Variants in ASTN1 observed in about 807,000 individuals in gnomAD.
The protein encoded by ASTN1 is astrotactin-1.
A neutral mutation model predicts 140.7 loss-of-function variants in ASTN1; 41 were observed. That is an observed-to-expected ratio of 0.29 (90% CI 0.23 to 0.38). ASTN1 has a LOEUF of 0.38. Among genes scored for constraint, ASTN1 ranks in the 10% least tolerant of loss-of-function variants. The pLI is 1.00. For synonymous variants in ASTN1, 640 were observed against 652.2 expected, an observed-to-expected ratio of 0.98 and a Z score of 0.29; for missense variants, 1,479 against 1,678.8, an observed-to-expected ratio of 0.88 and a Z score of 2.08.
At chr1:177,006,207 A>T (rs1674986165) in intron 8 of ASTN1, among the ~76,000 whole-genome samples, 1 of 152,230 alleles carries the variant, frequency 6.6e-6, no homozygotes, top group Non-Finnish European at 1.5e-5. Context: ...TATCACAAAC[A>T]TACTTTTAAT....
intron 14 of ASTN1, among the ~76,000 whole-genome samples, chr1:176,937,960 T>C (rs964158137): frequency 2.0e-5 from 3 of 152,168 alleles, no homozygotes; most frequent in Non-Finnish European, 4.4e-5. Flanking sequence ...TTGCCAAATT[T>C]TCATTTCTGT....
At position 176,867,899 on chromosome 1, in the gene ASTN1, T is replaced by C. The variant is rs73051851; in HGVS notation, c.3647+945A>G. 3.7e-3 allele frequency among the ~76,000 whole-genome samples: 563 copies of C among 152,034 alleles called. 1 individual carries two copies. Among genetic ancestry groups the C allele is most frequent in the African/African-American group, 0.013 (523 of 41,526 alleles). ...GAATTCTTTAAGGGACAGAGGATTC[T>C]ATAGTGTTGATTTTCTTCATTTCCT... On this transcript the variant is annotated intron_variant, in intron 22 of 22. Coordinates refer to ENST00000361833, the MANE Select transcript of ASTN1 (RefSeq NM_004319.3).
At position 177,109,528 on chromosome 1, in the gene ASTN1, G is replaced by T. The variant is rs1680713202; in HGVS notation, c.284-48263C>A. Among the ~76,000 whole-genome samples the T allele has an allele frequency of 2.6e-5, 4 of 152,162 alleles. No homozygotes were observed. The South Asian group carries it at 8.3e-4, about 32-fold the overall frequency. ...CGTATTGGATATAGGGATGTTCTAG[G>T]ATGGCATTTTAAAACTGTGGCCCTT... On this transcript the variant is annotated intron_variant, in intron 1 of 22. Coordinates refer to ENST00000361833, the MANE Select transcript of ASTN1 (RefSeq NM_004319.3).
At chr1:176,875,910 A>G (rs1668540290) in intron 21 of ASTN1, among the ~76,000 whole-genome samples, 1 of 152,192 alleles carries the variant, frequency 6.6e-6, no homozygotes. Flanking sequence ...TGATGTCAAG[A>G]CCAGCCCGGT....
chr1:176,892,639 G>A (rs1411837598), intron 17 of ASTN1, among the ~76,000 whole-genome samples: 1 of 152,200 alleles, frequency 6.6e-6, no homozygotes, highest in Non-Finnish European at 1.5e-5. Flanking sequence ...AGATTAGACT[G>A]AAATATAGCA....
At chr1:177,036,401 A>C (rs1676722131) in intron 2 of ASTN1, among the ~76,000 whole-genome samples, 2 of 152,098 alleles carry the variant, frequency 1.3e-5, no homozygotes, top group South Asian at 4.1e-4. Flanking sequence ...CAATAGGTAA[A>C]ACTCAGCACA....
At chr1:177,043,430 A>G (rs1157789374) in intron 2 of ASTN1, among the ~76,000 whole-genome samples, 1 of 152,254 alleles carries the variant, frequency 6.6e-6, no homozygotes. Context: ...CATGTTTTGC[A>G]TTAGAACCCA....
rs182090619 is a variant in ASTN1, at chr1:176,888,230, T to G, written c.2941-26A>C. The stretch of plus-strand genomic sequence containing the variant: ...CTGCATAAGAGAACAGGGAAAAGAT[T>G]GAGTGTTGAGAAGCCAGGGCTAGGC... On this transcript the variant is annotated intron_variant, in intron 17 of 22. Coordinates refer to ENST00000361833, the MANE Select transcript of ASTN1 (RefSeq NM_004319.3). 8.1e-6 allele frequency: 13 copies of G among 1,612,736 alleles called. No individual in the cohort carries two copies. The Admixed American group carries it at 1.0e-4, about 12-fold the overall frequency.
intron 8 of ASTN1, among the ~76,000 whole-genome samples, chr1:176,982,734 G>A (rs1015642713): frequency 2.0e-5 from 3 of 152,112 alleles, no homozygotes; most frequent in South Asian, 4.1e-4. Context: ...ATGTTTTAAC[G>A]TACCCAAAGA....
Position 176,965,303 on chromosome 1 carries a change from A to G in ASTN1, c.1524-66T>C, listed in dbSNP as rs913541705. 9.6e-5 allele frequency: 149 copies of G among 1,546,110 alleles called. 1 individual carries two copies. The South Asian group carries it at 1.6e-3, about 17-fold the overall frequency. ...AATACTCACTGAACACCCACTTCGT[A>G]TCAGGCACAGTGCTAGGTGGTAGAC... On this transcript the variant is annotated intron_variant, in intron 8 of 22. Transcript: ENST00000361833.
At chr1:177,154,072 G>C (rs917685735) in intron 1 of ASTN1, among the ~76,000 whole-genome samples, 2 of 152,054 alleles carry the variant, frequency 1.3e-5, no homozygotes, top group Non-Finnish European at 2.9e-5. Context: ...CAGCAATTCT[G>C]CTCCTGCTAT....
At chr1:176,887,980 G>T in intron 18 of ASTN1, 91 bp downstream of exon 18, 1 of 1,548,108 alleles carries the variant, frequency 6.5e-7, no homozygotes, top group South Asian at 1.2e-5. Flanking sequence ...ATTTTTCTTT[G>T]TTTCCCAGTA....
chr1:177,163,183 T>C (rs1245907308), intron 1 of ASTN1, among the ~76,000 whole-genome samples: 1 of 152,198 alleles, frequency 6.6e-6, no homozygotes, highest in African/African-American at 2.4e-5. Flanking sequence ...CAAATGGAAC[T>C]GTAGTTGGTA....
intron 1 of ASTN1, among the ~76,000 whole-genome samples, chr1:177,075,646 T>C: frequency 3.5e-5 from 1 of 28,366 alleles, no homozygotes; most frequent in South Asian, 2.0e-3. Flanking sequence ...TTTTCTTTTC[T>C]TTTTTTTTTT....
intron 1 of ASTN1, among the ~76,000 whole-genome samples, chr1:177,136,792 T>C (rs1682225372): frequency 6.6e-6 from 1 of 152,226 alleles, no homozygotes; most frequent in Non-Finnish European, 1.5e-5. Context: ...ATAAGCAATG[T>C]CTTTTCTTTC....
At chr1:177,076,431 C>G (rs1678916054) in intron 1 of ASTN1, among the ~76,000 whole-genome samples, 1 of 151,906 alleles carries the variant, frequency 6.6e-6, no homozygotes, top group Middle Eastern at 3.2e-3. Flanking sequence ...GGAAGTGCAT[C>G]CTTGGTCATA....
At chr1:176,947,050 A>G (rs569742874) in intron 12 of ASTN1, among the ~76,000 whole-genome samples, 76 of 152,366 alleles carry the variant, frequency 5.0e-4, no homozygotes, top group Middle Eastern at 6.8e-3. Context: ...TCACTGTTAT[A>G]ATAAGATAAA....
At chr1:177,008,066 G>A (rs1425051317) in intron 8 of ASTN1, among the ~76,000 whole-genome samples, 1 of 152,222 alleles carries the variant, frequency 6.6e-6, no homozygotes, top group Non-Finnish European at 1.5e-5. Context: ...AGGAGGTGCA[G>A]AGTTTCCCAA....
At position 177,060,871 on chromosome 1, in the gene ASTN1, T is replaced by C. The variant is rs1366557093; in HGVS notation, c.471+207A>G. Among the ~76,000 whole-genome samples the C allele has an allele frequency of 3.3e-5, 5 of 152,144 alleles. No individual in the cohort carries two copies. The East Asian group carries it at 7.7e-4, about 23-fold the overall frequency. The stretch of plus-strand genomic sequence containing the variant: ...CTGAGCATGTTCCTAGAGAAAACAG[T>C]TGGGGAATGGTACTGTTAGAAATAG... On this transcript the variant is annotated intron_variant, in intron 2 of 22. Transcript: ENST00000361833.
Sources: allele counts gnomAD v4.1 joint callset (sites outside exome capture counted in the v4.1 genomes callset), GRCh38; gene constraint gnomAD v4.1.1; transcripts MANE v1.5; gene names NCBI Gene and HGNC (gene_info 2026-07-23, HGNC 2026-07-21).